ZNF469: variants seen among roughly 807,000 people sequenced by gnomAD.
ZNF469 encodes zinc finger protein 469.
Under a neutral mutation model 1.0 loss-of-function variants are expected in ZNF469, and 1 was observed. That is an observed-to-expected ratio of 1.00 (90% CI 0.35 to 4.73). The LOEUF is 4.73. ZNF469 is among the 30% of genes most tolerant of loss of function. The pLI is 0.16. For missense variants in ZNF469, 6,100 were observed against 5,356.3 expected (o/e 1.14, Z -4.33); for synonymous variants, 2,703 against 2,363.4 (o/e 1.14, Z -4.17).
the ZNF469 span, among the ~76,000 whole-genome samples, chr16:88,327,683 C>T: frequency 1.3e-5 from 2 of 152,156 alleles, no homozygotes; most frequent in East Asian, 3.9e-4. Flanking sequence ...CTCCACCGCC[C>T]TCTCCCCTCC....
At chr16:88,345,075 G>A in the ZNF469 span, among the ~76,000 whole-genome samples, 9 of 152,336 alleles carry the variant, frequency 5.9e-5, no homozygotes, top group Non-Finnish European at 1.2e-4. Flanking sequence ...CTCCTCACCC[G>A]TTGTAAAGGT....
chr16:88,206,662 A>G, the ZNF469 span, among the ~76,000 whole-genome samples: 1 of 151,062 alleles, frequency 6.6e-6, no homozygotes, highest in African/African-American at 2.4e-5. Context: ...GTTCCCTGGA[A>G]CCCTGCGTCT....
the ZNF469 span, among the ~76,000 whole-genome samples, chr16:88,341,480 C>T: frequency 6.6e-6 from 1 of 152,204 alleles, no homozygotes; most frequent in African/African-American, 2.4e-5. Flanking sequence ...TCCAGGTTTC[C>T]CAGGTCAAGC....
chr16:88,427,101 G>A lies in ZNF469; in HGVS notation c.-126-244G>A, dbSNP rs1008883862. 1.1e-4 allele frequency among the ~76,000 whole-genome samples: 16 copies of A among 149,132 alleles called. No individual in the cohort carries two copies. In the East Asian group the frequency reaches 1.2e-3, roughly 11 times the overall value. On this transcript the variant is annotated intron_variant, in intron 2 of 2. Coordinates refer to ENST00000565624, the MANE Select transcript of ZNF469 (RefSeq NM_001367624.2). ...CTCCACTCAATCTCTGCGCTCCACC[G>A]CCCCTCTTCTCCCTAAGACAGGGAA...
At chr16:88,190,353 G>A in the ZNF469 span, among the ~76,000 whole-genome samples, 1 of 152,256 alleles carries the variant, frequency 6.6e-6, no homozygotes, top group Non-Finnish European at 1.5e-5. Context: ...GTGACACCTT[G>A]CTCAGTCCCA....
chr16:88,274,957 G>A, the ZNF469 span, among the ~76,000 whole-genome samples: 56,408 of 152,026 alleles, frequency 0.37, 11,040 homozygotes, highest in East Asian at 0.53. Flanking sequence ...ACACTCGCTC[G>A]CACACATGCC....
chr16:88,357,704 T>A, the ZNF469 span, among the ~76,000 whole-genome samples: 1 of 152,246 alleles, frequency 6.6e-6, no homozygotes, highest in Admixed American at 6.5e-5. Context: ...GCAGCGCAGT[T>A]ATTTCATTTC....
At chr16:88,327,628 G>A in the ZNF469 span, among the ~76,000 whole-genome samples, 4 of 152,064 alleles carry the variant, frequency 2.6e-5, no homozygotes, top group East Asian at 1.9e-4. Flanking sequence ...CCTCAGGGCT[G>A]AGTGCTTCCA....
At chr16:88,381,203 C>G (rs1214135776), upstream of ZNF469, among the ~76,000 whole-genome samples, 174 of 111,266 alleles carry the variant, frequency 1.6e-3, 10 homozygotes, top group African/African-American at 9.3e-3. Flanking sequence ...CATGCATTCA[C>G]AGACACACAC....
At chr16:88,144,041 A>C in the ZNF469 span, among the ~76,000 whole-genome samples, 1 of 151,976 alleles carries the variant, frequency 6.6e-6, no homozygotes, top group African/African-American at 2.4e-5. Flanking sequence ...GCAGGGTCAG[A>C]GGCAGAACCC....
At chr16:88,314,716 T>C in the ZNF469 span, among the ~76,000 whole-genome samples, 3 of 148,306 alleles carry the variant, frequency 2.0e-5, no homozygotes, top group East Asian at 4.2e-4. Flanking sequence ...GTGATTATGA[T>C]GATGCTGGTG....
chr16:88,224,783 G>A, the ZNF469 span, among the ~76,000 whole-genome samples: 1 of 152,204 alleles, frequency 6.6e-6, no homozygotes, highest in East Asian at 1.9e-4. Context: ...ATGTACACGT[G>A]TCTCTGTGTG....
At chr16:88,159,858 G>T in the ZNF469 span, among the ~76,000 whole-genome samples, 1 of 152,206 alleles carries the variant, frequency 6.6e-6, no homozygotes, top group African/African-American at 2.4e-5. Flanking sequence ...GTCCCTGAGG[G>T]ATAAGAGAGT....
At chr16:88,396,112 G>C (rs960074905) in intron 1 of ZNF469, among the ~76,000 whole-genome samples, 1 of 152,206 alleles carries the variant, frequency 6.6e-6, no homozygotes, top group Non-Finnish European at 1.5e-5. Context: ...GTCAAGCTGC[G>C]TTTTTCAGGT....
chr16:88,157,946 G>T, the ZNF469 span, among the ~76,000 whole-genome samples: 1 of 152,100 alleles, frequency 6.6e-6, no homozygotes, highest in South Asian at 2.1e-4. Context: ...GTCCTGGAGA[G>T]GCAGCTCTAA....
chr16:88,387,388 A>AC (rs1423003229), intron 1 of ZNF469, among the ~76,000 whole-genome samples: 1 of 151,266 alleles, frequency 6.6e-6, no homozygotes, highest in East Asian at 2.0e-4. Flanking sequence ...GGCAGGACCC[A>AC]CCCCCGGGTG....
chr16:88,257,371 A>G, the ZNF469 span, among the ~76,000 whole-genome samples: 48,269 of 151,078 alleles, frequency 0.32, 8,170 homozygotes, highest in Middle Eastern at 0.46. Flanking sequence ...TTTTCAAATT[A>G]TTGAGTTTTA....
chr16:88,235,418 G>A, the ZNF469 span, among the ~76,000 whole-genome samples: 1 of 152,208 alleles, frequency 6.6e-6, no homozygotes. Context: ...TGGGAGTGCC[G>A]TGGACACCAG....
the ZNF469 span, among the ~76,000 whole-genome samples, chr16:88,218,507 A>T: frequency 6.6e-6 from 1 of 152,174 alleles, no homozygotes; most frequent in African/African-American, 2.4e-5. Context: ...TTAGACATGA[A>T]GTCCTTGCCC....
Sources: allele counts gnomAD v4.1 joint callset (sites outside exome capture counted in the v4.1 genomes callset), GRCh38; gene constraint gnomAD v4.1.1; transcripts MANE v1.5; gene names NCBI Gene and HGNC (gene_info 2026-07-23, HGNC 2026-07-21).